PTPRS: variants seen among roughly 807,000 people sequenced by gnomAD.
PTPRS encodes receptor-type tyrosine-protein phosphatase S.
PTPRS carries 63 observed loss-of-function variants against 215.3 expected under a neutral mutation model. The ratio of observed to expected loss-of-function variants is 0.29; its 90% CI spans 0.24 to 0.36. The LOEUF is 0.36. Ranked by LOEUF, PTPRS falls within the 10% of genes least tolerant of loss-of-function variation. The probability of loss-of-function intolerance (pLI) is 1.00; values close to 1 mark genes in which losing one functional copy is unlikely to be tolerated. For synonymous variants in PTPRS, 1,404 were observed against 1,191.4 expected (o/e 1.18, Z -3.68); for missense variants, 2,258 against 2,825.8 (o/e 0.80, Z 4.56).
rs1056720668 is a variant in PTPRS, at chr19:5,257,019, G to A, written c.707-900C>T. The stretch of plus-strand genomic sequence containing the variant: ...CTGGGGCAGCCCTAGGGATTGAAGG[G>A]CGCCCTGGCATCCTGGCAGAAGCTG... On this transcript the variant is annotated intron_variant, in intron 8 of 37. Transcript: ENST00000262963. This position sits in a 1 kb window ranked among gnomAD's most constrained non-coding sequence, Gnocchi z 4.4. 6.6e-6 allele frequency among the ~76,000 whole-genome samples: 1 copy of A among 151,734 alleles called. No individual in the cohort carries two copies. The highest frequency in any genetic ancestry group is 2.4e-5 in the African/African-American group (1 of 41,260).
intron 1 of PTPRS, among the ~76,000 whole-genome samples, chr19:5,313,283 C>T (rs4807719): frequency 0.11 from 16,805 of 152,112 alleles, 1,216 homozygotes; most frequent in Admixed American, 0.24. Context: ...AAACAGCAGA[C>T]GCCTAATAAG....
chr19:5,269,836 G>A (rs1036298126), intron 4 of PTPRS, among the ~76,000 whole-genome samples: 5 of 148,288 alleles, frequency 3.4e-5, no homozygotes, highest in South Asian at 2.1e-4. Flanking sequence ...CAGGAGAATT[G>A]CCTGAACCCA....
rs539159563 is a variant in PTPRS at position 5,325,698 on chromosome 19, C to T, written c.-95+14966G>A. On this transcript the variant is annotated intron_variant, in intron 1 of 37. Transcript: ENST00000262963. Reference sequence around the variant, plus strand: ...CTGGGGCTGAGCCACCAAGCACCCCCATTCAGCCTCCTTCCTGCCTGCCGA... The same window carrying T: ...CTGGGGCTGAGCCACCAAGCACCCCTATTCAGCCTCCTTCCTGCCTGCCGA... Among the ~76,000 whole-genome samples, 8 of 152,396 alleles carry T rather than the reference C, an allele frequency of 5.2e-5. No individual in the cohort carries two copies. In the Middle Eastern group the frequency reaches 0.01, roughly 194 times the overall value.
chr19:5,283,083 G>A (rs936034734), intron 2 of PTPRS, among the ~76,000 whole-genome samples: 11 of 152,214 alleles, frequency 7.2e-5, no homozygotes, highest in Admixed American at 5.9e-4. Flanking sequence ...GCCTGGCTTG[G>A]CCCCATCTCT....
chr19:5,315,381 T>TTTTTG (rs1201766587), intron 1 of PTPRS, among the ~76,000 whole-genome samples: 1 of 127,726 alleles, frequency 7.8e-6, no homozygotes, highest in Non-Finnish European at 1.6e-5. Flanking sequence ...TTTTTTTTTT[T>TTTTTG]GAGACAGAGT....
chr19:5,261,822 G>A (rs778384456), intron 6 of PTPRS, among the ~76,000 whole-genome samples: 3 of 152,188 alleles, frequency 2.0e-5, no homozygotes, highest in Non-Finnish European at 4.4e-5. Context: ...ATTATCTTTC[G>A]AGGTGTTCTC....
chr19:5,256,248 T>TC lies in PTPRS; in HGVS notation c.707-130_707-129insG, dbSNP rs1316349939. 28 of 727,278 alleles carry TC rather than the reference T, an allele frequency of 3.8e-5. 1 individual carries two copies. The South Asian group carries it at 7.0e-4, about 18-fold the overall frequency. 45.1% of individuals were successfully genotyped at this position (727,278 alleles called of 1,614,324 possible). ...AGCTGCAATAGTTTGTTGTTTTTTT[T>TC]TTCTTTAAACCAAAAAAAAAAATTA... On this transcript the variant is annotated intron_variant, in intron 8 of 37. Transcript: ENST00000262963.
Position 5,240,182 on chromosome 19 carries a change from TC to T in PTPRS, c.1704+16del, listed in dbSNP as rs35072097. On this transcript the variant is annotated intron_variant, in intron 12 of 37. Transcript: ENST00000262963. ...GAGGAGCCCAGGGCAGGCCAGCCCG[TC>T]CCCGCGCTGCCTCACCTCCCGGCCA... The T allele has an allele frequency of 0.068, 103,250 of 1,522,586 alleles. 3,758 individuals carry two copies. Among genetic ancestry groups the T allele is most frequent in the Non-Finnish European group, 0.075 (84,976 of 1,134,072 alleles). The allele number at this position is 1,522,586 out of a possible 1,614,324, so 94.3% of individuals were successfully genotyped here. A position where few individuals can be genotyped will look rare whatever the true frequency, so the allele number is the denominator to read the frequency against.
chr19:5,335,033 A>G (rs1324286493), intron 1 of PTPRS, among the ~76,000 whole-genome samples: 3 of 152,030 alleles, frequency 2.0e-5, no homozygotes, highest in African/African-American at 4.8e-5. Context: ...ACACACACAG[A>G]CGCGCCAACC....
chr19:5,214,819 TCA>T, intron 28 of PTPRS, 83 bp from the exon 29 acceptor site: 1 of 1,383,776 alleles, frequency 7.2e-7, no homozygotes. Context: ...TCCTGGAAGT[TCA>T]CTCTGACCGC....
Position 5,289,108 on chromosome 19 carries a change from G to A in PTPRS, c.-94-2874C>T, listed in dbSNP as rs77203020. 7.5e-3 allele frequency among the ~76,000 whole-genome samples: 1,140 copies of A among 152,208 alleles called. 17 individuals are homozygous for A. Among genetic ancestry groups the A allele is most frequent in the African/African-American group, 0.026 (1,073 of 41,548 alleles). On this transcript the variant is annotated intron_variant, in intron 1 of 37. Coordinates refer to ENST00000262963, the MANE Select transcript of PTPRS (RefSeq NM_002850.4). Reference sequence around the variant, plus strand: ...GACACTACCAAAGACAAAACATCCCGGGGTCCCTTAGGTGCCAATCCTCCC... The same window carrying A: ...GACACTACCAAAGACAAAACATCCCAGGGTCCCTTAGGTGCCAATCCTCCC...
chr19:5,213,991 AGACTCCTTGAAGGCAGGGCTGGG>A (rs1307008062), intron 30 of PTPRS, among the ~76,000 whole-genome samples: 3 of 152,216 alleles, frequency 2.0e-5, no homozygotes, highest in Non-Finnish European at 4.4e-5. Flanking sequence ...CTCTGTCTGG[AGACTCCTTGAAGGCAGGGCTGGG>A]GCCCTGCTGA....
Position 5,286,229 on chromosome 19 carries a change from C to T in PTPRS, c.-89G>A. On this transcript the variant is annotated 5_prime_UTR_variant, in exon 2 of 38. Transcript: ENST00000262963. The stretch of plus-strand genomic sequence containing the variant: ...GCCTCGAGCCGAGCGTCAGATGGGG[C>T]AACGTCTGCAGAGACAATGGAGGGC... The T allele has an allele frequency of 7.1e-7, 1 of 1,417,310 alleles. No homozygotes were observed. Among genetic ancestry groups the T allele is most frequent in the Non-Finnish European group, 9.8e-7 (1 of 1,024,590 alleles). 87.8% of individuals were successfully genotyped at this position (1,417,310 alleles called of 1,614,324 possible).
chr19:5,205,695 C>G lies in PTPRS; in HGVS notation c.*1079G>C, dbSNP rs369561381. 7.9e-5 allele frequency among the ~76,000 whole-genome samples: 12 copies of G among 152,114 alleles called. No homozygotes were observed. Among genetic ancestry groups the G allele is most frequent in the African/African-American group, 2.9e-4 (12 of 41,412 alleles). On this transcript the variant is annotated 3_prime_UTR_variant, in exon 38 of 38. Transcript: ENST00000262963. ...GGGCCTGTCCTTCTGGTTTTGCTCC[C>G]AAACTGCCCCACAGTCCCAGGGGGA...
At chr19:5,221,309 C>A (rs1450585270) in intron 19 of PTPRS, 56 bp from the exon 20 acceptor site, 2 of 1,559,190 alleles carry the variant, frequency 1.3e-6, no homozygotes, top group African/African-American at 1.4e-5. Flanking sequence ...ATGGACTGAG[C>A]CCCAGCTCCA....
rs544038545 is a variant in PTPRS, at chr19:5,237,383, C to T, written c.1849+1536G>A. The stretch of plus-strand genomic sequence containing the variant: ...GGGCAAGAAGCGGGGAGTCCCTTCT[C>T]CCCAACTCCCTGTCCTGGGCCGCCC... On this transcript the variant is annotated intron_variant, in intron 13 of 37. Transcript: ENST00000262963. This position sits in a 1 kb window ranked among gnomAD's most constrained non-coding sequence, Gnocchi z 4.2. Among the ~76,000 whole-genome samples, 11 of 152,340 alleles carry T rather than the reference C, an allele frequency of 7.2e-5. No individual in the cohort carries two copies. The highest frequency in any genetic ancestry group is 2.6e-4 in the African/African-American group (11 of 41,592).
At chr19:5,208,555 C>T (rs1004694261) in intron 35 of PTPRS, among the ~76,000 whole-genome samples, 164 bp from the exon 36 acceptor site, 3 of 152,170 alleles carry the variant, frequency 2.0e-5, no homozygotes, top group Middle Eastern at 3.4e-3. Context: ...GATCTCGGCT[C>T]ACTGCAACCT....
At chr19:5,327,439 G>A (rs933854626) in intron 1 of PTPRS, among the ~76,000 whole-genome samples, 1 of 152,110 alleles carries the variant, frequency 6.6e-6, no homozygotes, top group Admixed American at 6.6e-5. Context: ...CACTGCCCCA[G>A]GGTCACACTG....
chr19:5,289,203 C>T (rs764852837), intron 1 of PTPRS, among the ~76,000 whole-genome samples: 4 of 152,158 alleles, frequency 2.6e-5, no homozygotes, highest in African/African-American at 4.8e-5. Flanking sequence ...CCTGCTTCCA[C>T]GAAAACCCCA....
Sources: allele counts gnomAD v4.1 joint callset (sites outside exome capture counted in the v4.1 genomes callset), GRCh38; gene constraint gnomAD v4.1.1; non-coding constraint Gnocchi (gnomAD v3.1); transcripts MANE v1.5; gene names NCBI Gene and HGNC (gene_info 2026-07-23, HGNC 2026-07-21).